ACVR2A: variants seen among roughly 807,000 people sequenced by gnomAD.
The protein encoded by ACVR2A is activin A receptor type 2A.
ACVR2A carries 7 observed loss-of-function variants against 61.4 expected under a neutral mutation model. The ratio of observed to expected loss-of-function variants is 0.11; its 90% CI spans 0.06 to 0.21. The LOEUF is 0.21. Ranked by LOEUF, ACVR2A falls within the 10% of genes least tolerant of loss-of-function variation. The pLI, the probability that ACVR2A is intolerant of heterozygous loss-of-function variation, is 1.00. For missense variants in ACVR2A, 322 were observed against 621.7 expected, an observed-to-expected ratio of 0.52 and a Z score of 5.13; for synonymous variants, 193 against 208.3, an observed-to-expected ratio of 0.93 and a Z score of 0.63.
intron 1 of ACVR2A, among the ~76,000 whole-genome samples, chr2:147,873,152 T>C (rs564667567): frequency 6.6e-6 from 1 of 152,062 alleles, no homozygotes; most frequent in African/African-American, 2.4e-5. Flanking sequence ...GAATGCCTCA[T>C]ATGGCATGGG....
Position 147,888,633 on chromosome 2 carries a change from T to C in ACVR2A, c.56-7668T>C, listed in dbSNP as rs140119595. ...TTTTGTGTTTCGTTCATCTATCCTG[T>C]GACCTTACTTAATTCGCTTATTAGT... is the stretch of plus-strand genomic sequence containing the variant. On this transcript the variant is annotated intron_variant, in intron 1 of 10. Transcript: ENST00000241416. Among the ~76,000 whole-genome samples the C allele has an allele frequency of 6.3e-4, 96 of 152,094 alleles. 1 individual carries two copies. The highest frequency in any genetic ancestry group is 2.2e-3 in the African/African-American group (90 of 41,544).
At chr2:147,847,742 A>C (rs1257280789) in intron 1 of ACVR2A, among the ~76,000 whole-genome samples, 1 of 152,056 alleles carries the variant, frequency 6.6e-6, no homozygotes, top group African/African-American at 2.4e-5. Flanking sequence ...GTGCCTTCAG[A>C]TTACCTTTGA....
At chr2:147,845,237 C>T (rs1277294611) in intron 1 of ACVR2A, 30 bp downstream of exon 1, 7 of 1,605,928 alleles carry the variant, frequency 4.4e-6, no homozygotes, top group Non-Finnish European at 5.9e-6. Context: ...CGCGGTGGGG[C>T]TGCTCCTGCG....
At chr2:147,891,658 G>GCAACATAAT (rs1235477882) in intron 1 of ACVR2A, among the ~76,000 whole-genome samples, 2 of 152,210 alleles carry the variant, frequency 1.3e-5, no homozygotes, top group Admixed American at 6.5e-5. Flanking sequence ...AAGTTTTAAT[G>GCAACATAAT]CAACATAATC....
At chr2:147,890,728 C>T (rs1686562116) in intron 1 of ACVR2A, among the ~76,000 whole-genome samples, 1 of 152,026 alleles carries the variant, frequency 6.6e-6, no homozygotes, top group South Asian at 2.1e-4. Context: ...ACATAAATAA[C>T]CATGCCATCC....
At chr2:147,885,941 G>A (rs1322902947) in intron 1 of ACVR2A, among the ~76,000 whole-genome samples, 4 of 152,062 alleles carry the variant, frequency 2.6e-5, no homozygotes, top group African/African-American at 9.7e-5. Flanking sequence ...CCTTTGTGTT[G>A]AGATTTGCCT....
chr2:147,889,062 A>G (rs1023539223), intron 1 of ACVR2A, among the ~76,000 whole-genome samples: 9 of 151,934 alleles, frequency 5.9e-5, no homozygotes, highest in African/African-American at 1.7e-4. Flanking sequence ...AACCACCGAT[A>G]TGACCATATG....
Position 147,915,241 on chromosome 2 carries a change from G to T in ACVR2A, c.579G>T (p.Gln193His), listed in dbSNP as rs1187891286. 1 of 1,612,258 alleles carries T rather than the reference G, an allele frequency of 6.2e-7. No homozygotes were observed. The highest frequency in any genetic ancestry group is 8.5e-7 in the Non-Finnish European group (1 of 1,178,770). The change falls in exon 5 of 11, where the codon CAG becomes CAT. Residue 193 changes from glutamine to histidine, a missense_variant. Gln to His is a conservative substitution (Grantham distance 24, BLOSUM62 0). Coordinates refer to ENST00000241416, the MANE Select transcript of ACVR2A (RefSeq NM_001616.5). ...CATTACTAGGTTTGAAACCACTGCAGTTATTAGAAGTGAAAGCAAGGGGAA... is the reference window on the plus strand; with the variant it reads ...CATTACTAGGTTTGAAACCACTGCATTTATTAGAAGTGAAAGCAAGGGGAA... Reference protein sequence around the residue: ...PSPLLGLKPLQLLEVKARGRF... With the variant: ...PSPLLGLKPLHLLEVKARGRF...
chr2:147,927,406 C>G lies in ACVR2A; in HGVS notation c.*132C>G, dbSNP rs1434124621. On this transcript the variant is annotated 3_prime_UTR_variant, in exon 11 of 11. Coordinates refer to ENST00000241416, the MANE Select transcript of ACVR2A (RefSeq NM_001616.5). ...CTTGGAAATGTTAAGAAAGAAGACCCTTTGTTGAAAAATGTTGCTCTGGGA... is the reference window on the plus strand; with the variant it reads ...CTTGGAAATGTTAAGAAAGAAGACCGTTTGTTGAAAAATGTTGCTCTGGGA... 4 of 911,274 alleles carry G rather than the reference C, an allele frequency of 4.4e-6. No homozygotes were observed. The East Asian group carries it at 1.1e-4, about 26-fold the overall frequency. The allele number at this position is 911,274 out of a possible 1,614,324, so 56.4% of individuals were successfully genotyped here.
intron 8 of ACVR2A, among the ~76,000 whole-genome samples, 154 bp from the exon 9 acceptor site, chr2:147,922,819 G>GAAAGGA (rs1687415542): frequency 3.9e-5 from 6 of 152,098 alleles, no homozygotes; most frequent in African/African-American, 1.4e-4. Context: ...TATTTTTTAA[G>GAAAGGA]TATACGCAGA....
intron 1 of ACVR2A, among the ~76,000 whole-genome samples, chr2:147,883,177 TTTTTTG>T (rs1039844089): frequency 6.6e-5 from 10 of 151,950 alleles, no homozygotes; most frequent in Non-Finnish European, 1.3e-4. Flanking sequence ...TAAAATGAGT[TTTTTTG>T]TTTTTGTTTT....
intron 4 of ACVR2A, among the ~76,000 whole-genome samples, chr2:147,907,635 C>G (rs1369336323): frequency 3.9e-5 from 6 of 152,076 alleles, no homozygotes; most frequent in Non-Finnish European, 4.4e-5. Context: ...TAGAGTCACC[C>G]TAGTGGGTGG....
At chr2:147,859,347 T>A (rs1312390118) in intron 1 of ACVR2A, among the ~76,000 whole-genome samples, 1 of 151,946 alleles carries the variant, frequency 6.6e-6, no homozygotes, top group Non-Finnish European at 1.5e-5. Context: ...GTAACAAAAC[T>A]AAAAAGAGCT....
intron 5 of ACVR2A, 71 bp downstream of exon 5, chr2:147,915,405 C>G: frequency 6.3e-7 from 1 of 1,577,044 alleles, no homozygotes; most frequent in Non-Finnish European, 8.7e-7. Flanking sequence ...CAGAAATAGT[C>G]TCAAAACAGA....
intron 8 of ACVR2A, among the ~76,000 whole-genome samples, chr2:147,922,224 T>C (rs777020197): frequency 3.9e-5 from 6 of 152,044 alleles, no homozygotes; most frequent in Non-Finnish European, 5.9e-5. Flanking sequence ...AAAAAATCTT[T>C]ACATGTATAT....
At chr2:147,852,770 A>T (rs1685478561) in intron 1 of ACVR2A, among the ~76,000 whole-genome samples, 2 of 152,200 alleles carry the variant, frequency 1.3e-5, no homozygotes, top group South Asian at 4.1e-4. Context: ...ATTAGGAAGG[A>T]TGTTAATATG....
intron 6 of ACVR2A, 149 bp downstream of exon 6, chr2:147,917,575 G>A (rs1478525382): frequency 5.4e-5 from 55 of 1,017,196 alleles, no homozygotes; most frequent in Non-Finnish European, 6.6e-5. Flanking sequence ...GAATAAAAAT[G>A]TTTTAAAAGG....
At chr2:147,871,361 C>T (rs1573922324) in intron 1 of ACVR2A, among the ~76,000 whole-genome samples, 1 of 152,162 alleles carries the variant, frequency 6.6e-6, no homozygotes, top group East Asian at 1.9e-4. Flanking sequence ...TTAGCTCCTG[C>T]TAATAATTTT....
intron 1 of ACVR2A, among the ~76,000 whole-genome samples, chr2:147,895,817 A>C (rs1686719036): frequency 6.6e-6 from 1 of 152,134 alleles, no homozygotes; most frequent in Non-Finnish European, 1.5e-5. Flanking sequence ...GCTATTGGTA[A>C]AGCTTCTGGT....
Sources: gnomAD v4.1 joint callset for allele counts (sites outside exome capture counted in the v4.1 genomes callset) on GRCh38, gnomAD v4.1.1 for gene constraint, MANE v1.5 for transcripts, NCBI Gene and HGNC (gene_info 2026-07-23, HGNC 2026-07-21) for gene names.